Variants in PCDHGA3 observed in about 807,000 individuals in gnomAD.
The protein encoded by PCDHGA3 is protocadherin gamma subfamily A, 3.
Under a neutral mutation model 58.5 loss-of-function variants are expected in PCDHGA3, and 40 were observed. The ratio of observed to expected loss-of-function variants is 0.68; its 90% CI spans 0.53 to 0.89. The LOEUF (loss-of-function observed/expected upper bound fraction) is 0.89. PCDHGA3 is among the 40% of genes least tolerant of loss of function. PCDHGA3 has a pLI of 0.00. For missense variants in PCDHGA3, 1,223 were observed against 1,195.9 expected (o/e 1.02, Z -0.33); for synonymous variants, 530 against 525.7 (o/e 1.01, Z -0.11).
chr5:141,357,607 G>C lies in PCDHGA3; in HGVS notation c.2424+11150G>C, dbSNP rs771677698. 16 of 1,613,832 alleles carry C rather than the reference G, an allele frequency of 9.9e-6. No homozygotes were observed. The Admixed American group carries it at 2.7e-4, about 27-fold the overall frequency. ...TCAGGATTTACTTGAAACAAAAGGA[G>C]ACCCTAATCTTCAGGTGAGTCAATC... On this transcript the variant is annotated intron_variant, in intron 1 of 3. Coordinates refer to ENST00000253812, the MANE Select transcript of PCDHGA3 (RefSeq NM_018916.4).
chr5:141,497,122 G>A (rs1407489807), intron 2 of PCDHGA3, among the ~76,000 whole-genome samples: 1 of 151,992 alleles, frequency 6.6e-6, no homozygotes, highest in East Asian at 1.9e-4. Flanking sequence ...GAAGGCAGAG[G>A]TTGCAGTGAG....
Position 141,385,647 on chromosome 5 carries a change from A to C in PCDHGA3, c.2424+39190A>C, listed in dbSNP as rs541754761. On this transcript the variant is annotated intron_variant, in intron 1 of 3. Transcript: ENST00000253812. The stretch of plus-strand genomic sequence containing the variant: ...GAATGAATCGAGTCTTTCATATTGC[A>C]CAAGGTTAGCAGGAATAAAACACAC... The C allele has an allele frequency of 2.2e-5, 16 of 727,638 alleles. No homozygotes were observed. The African/African-American group carries it at 2.4e-4, about 11-fold the overall frequency. 45.1% of individuals were successfully genotyped at this position (727,638 alleles called of 1,614,324 possible).
Position 141,486,793 on chromosome 5 carries a change from G to C in PCDHGA3, c.2425-8014G>C. ...AGTTTGAGGTGCAGGCCCGGGATCG[G>C]GGCAACCCACCCCTTAGCAGCACTG... is the stretch of plus-strand genomic sequence containing the variant. On this transcript the variant is annotated intron_variant, in intron 1 of 3. Transcript: ENST00000253812. This position sits in a 1 kb window ranked among gnomAD's most constrained non-coding sequence, Gnocchi z 5.0. 6.2e-7 allele frequency: 1 copy of C among 1,614,244 alleles called. No homozygotes were observed. Among genetic ancestry groups the C allele is most frequent in the Non-Finnish European group, 8.5e-7 (1 of 1,180,050 alleles).
chr5:141,496,766 CT>C (rs1361332988), intron 2 of PCDHGA3, among the ~76,000 whole-genome samples: 1 of 152,068 alleles, frequency 6.6e-6, no homozygotes, highest in Non-Finnish European at 1.5e-5. Context: ...TATCGAGCAT[CT>C]ACTATGAGCA....
At chr5:141,394,798 T>C (rs770334197) in intron 1 of PCDHGA3, 1 of 1,613,818 alleles carries the variant, frequency 6.2e-7, no homozygotes, top group Non-Finnish European at 8.5e-7. Flanking sequence ...ACGCTCACCG[T>C]AGCCGTGGCT....
At chr5:141,460,010 G>A (rs376180479) in intron 1 of PCDHGA3, among the ~76,000 whole-genome samples, 1 of 152,126 alleles carries the variant, frequency 6.6e-6, no homozygotes, top group Admixed American at 6.5e-5. Context: ...CCCAGGAGGC[G>A]GAGGTTGCAG....
At chr5:141,466,716 T>A (rs2099127818) in intron 1 of PCDHGA3, among the ~76,000 whole-genome samples, 1 of 152,210 alleles carries the variant, frequency 6.6e-6, no homozygotes, top group South Asian at 2.1e-4. Flanking sequence ...TGTTCTTGTT[T>A]CCATTTTAGC....
chr5:141,450,104 T>A (rs1041853602), intron 1 of PCDHGA3, among the ~76,000 whole-genome samples: 1 of 150,664 alleles, frequency 6.6e-6, no homozygotes, highest in African/African-American at 2.5e-5. Flanking sequence ...CCTCCCAGGT[T>A]CAAATGATTC....
chr5:141,399,850 C>T (rs768366007), intron 1 of PCDHGA3: 1 of 1,612,946 alleles, frequency 6.2e-7, no homozygotes, highest in Non-Finnish European at 8.5e-7. Flanking sequence ...CGATATGGTG[C>T]CGCGCGCTGC....
In PCDHGA3 at chr5:141,422,749, A is replaced by G. The variant is rs202046219; in HGVS notation, c.2425-72058A>G. Reference sequence around the variant, plus strand: ...GGTGCCTCTGTCCTCCTATGTCTCTATTAACTCCAACACTGGTGTTCTCTA... The same window carrying G: ...GGTGCCTCTGTCCTCCTATGTCTCTGTTAACTCCAACACTGGTGTTCTCTA... On this transcript the variant is annotated intron_variant, in intron 1 of 3. Coordinates refer to ENST00000253812, the MANE Select transcript of PCDHGA3 (RefSeq NM_018916.4). 269 of 1,611,644 alleles carry G rather than the reference A, an allele frequency of 1.7e-4. 1 individual carries two copies. The African/African-American group carries it at 3.3e-3, about 20-fold the overall frequency.
chr5:141,477,988 C>T lies in PCDHGA3; in HGVS notation c.2425-16819C>T, dbSNP rs771241128. The T allele has an allele frequency of 6.2e-7, 1 of 1,614,160 alleles. No individual in the cohort carries two copies. Among genetic ancestry groups the T allele is most frequent in the Non-Finnish European group, 8.5e-7 (1 of 1,180,032 alleles). On this transcript the variant is annotated intron_variant, in intron 1 of 3. Coordinates refer to ENST00000253812, the MANE Select transcript of PCDHGA3 (RefSeq NM_018916.4). This position sits in a 1 kb window ranked among gnomAD's most constrained non-coding sequence, Gnocchi z 4.9. ...AGAGCCTTTTTGCCATAGGGCTGCA[C>T]ACTGGTCAAATCAGTACTGCCCGTC...
Position 141,350,140 on chromosome 5 carries a change from C to G in PCDHGA3, c.2424+3683C>G, listed in dbSNP as rs1420873443. The G allele has an allele frequency of 6.2e-6, 5 of 805,908 alleles. No individual in the cohort carries two copies. The East Asian group carries it at 1.4e-4, about 23-fold the overall frequency. The allele number at this position is 805,908 out of a possible 1,614,324, so 49.9% of individuals were successfully genotyped here. A position where few individuals can be genotyped will look rare whatever the true frequency, so the allele number is the denominator to read the frequency against. ...CGGTGCACTGAGCACAGACGCTGCT[C>G]CTGTTCACCCTCGAGCGCCTAACTA... On this transcript the variant is annotated intron_variant, in intron 1 of 3. Coordinates refer to ENST00000253812, the MANE Select transcript of PCDHGA3 (RefSeq NM_018916.4).
intron 1 of PCDHGA3, chr5:141,387,659 G>A: frequency 1.5e-6 from 1 of 650,434 alleles, no homozygotes; most frequent in Non-Finnish European, 2.6e-6. Context: ...GGAGAGCTTG[G>A]CGCTCCAGAT....
intron 1 of PCDHGA3, chr5:141,433,096 C>G: frequency 3.1e-6 from 5 of 1,614,118 alleles, no homozygotes; most frequent in Non-Finnish European, 4.2e-6. Flanking sequence ...CAGACATGCT[C>G]GTCAGCCAGG....
At chr5:141,371,952 T>C (rs1377821829) in intron 1 of PCDHGA3, 1 of 1,613,142 alleles carries the variant, frequency 6.2e-7, no homozygotes, top group African/African-American at 1.3e-5. Flanking sequence ...GCAGCGAGCC[T>C]TCGACCACGA....
At chr5:141,445,134 A>T (rs900226020) in intron 1 of PCDHGA3, among the ~76,000 whole-genome samples, 1 of 152,198 alleles carries the variant, frequency 6.6e-6, no homozygotes, top group East Asian at 1.9e-4. Context: ...TTAAAATTGT[A>T]TCTTCTAATT....
At position 141,457,403 on chromosome 5, in the gene PCDHGA3, C is replaced by A. The variant is rs550748216; in HGVS notation, c.2425-37404C>A. On this transcript the variant is annotated intron_variant, in intron 1 of 3. Transcript: ENST00000253812. ...GAACTAGCATATTGATTCACATTTT[C>A]ACATTACCCATCCCTTTTTCCCCCC... Among the ~76,000 whole-genome samples, 4 of 152,328 alleles carry A rather than the reference C, an allele frequency of 2.6e-5. No homozygotes were observed. In the East Asian group the frequency reaches 7.7e-4, roughly 29 times the overall value.
chr5:141,463,438 CTTTTTTTTTTT>C (rs71576115), intron 1 of PCDHGA3, among the ~76,000 whole-genome samples: 7 of 103,256 alleles, frequency 6.8e-5, no homozygotes, highest in African/African-American at 1.8e-4. Flanking sequence ...TTTCCTTCTC[CTTTTTTTTTTT>C]TTTTTTTTTT....
chr5:141,381,177 C>T (rs935775632), intron 1 of PCDHGA3, among the ~76,000 whole-genome samples: 3 of 152,214 alleles, frequency 2.0e-5, no homozygotes, highest in Admixed American at 6.5e-5. Context: ...TCCCACAAAA[C>T]GAAGTTAAGC....
Sources: gnomAD v4.1 joint callset for allele counts (sites outside exome capture counted in the v4.1 genomes callset) on GRCh38, gnomAD v4.1.1 for gene constraint, Gnocchi (gnomAD v3.1) non-coding constraint, MANE v1.5 for transcripts, NCBI Gene and HGNC (gene_info 2026-07-23, HGNC 2026-07-21) for gene names.